EPHA6: variants seen among roughly 807,000 people sequenced by gnomAD.
The protein encoded by EPHA6 is EPH receptor A6.
EPHA6 carries 50 observed loss-of-function variants against 112.0 expected under a neutral mutation model. The ratio of observed to expected loss-of-function variants is 0.45; its 90% CI spans 0.36 to 0.56. EPHA6 has a LOEUF of 0.56. EPHA6 is among the 20% of genes least tolerant of loss of function. The pLI is 0.00. For synonymous variants in EPHA6, 529 were observed against 490.7 expected (o/e 1.08, Z -1.03); for missense variants, 1,280 against 1,417.4 (o/e 0.90, Z 1.56).
Position 96,814,686 on chromosome 3 carries a change from C to T in EPHA6, c.63C>T (p.Ser21=). 6.7e-7 allele frequency: 1 copy of T among 1,492,540 alleles called. No homozygotes were observed. The highest frequency in any genetic ancestry group is 8.9e-7 in the Non-Finnish European group (1 of 1,120,504). The allele number at this position is 1,492,540 out of a possible 1,614,324, so 92.5% of individuals were successfully genotyped here. The change falls in exon 1 of 18, where the codon TCC becomes TCT. Residue 21 remains serine, a synonymous_variant. Transcript: ENST00000389672. ...SSPAPQAASS[S]EAAAPATGQP... ...CGGCGCCGCAGGCAGCGTCCTCCTCCGAAGCAGCTGCACCTGCAACTGGGC... is the reference window on the plus strand; with the variant it reads ...CGGCGCCGCAGGCAGCGTCCTCCTCTGAAGCAGCTGCACCTGCAACTGGGC...
At chr3:97,223,204 A>G (rs1052840111) in intron 3 of EPHA6, among the ~76,000 whole-genome samples, 3 of 152,240 alleles carry the variant, frequency 2.0e-5, no homozygotes, top group African/African-American at 2.4e-5. Flanking sequence ...TTTAGAAAAC[A>G]AAACAAAGAA....
chr3:97,396,443 A>T (rs2086698376), intron 5 of EPHA6, among the ~76,000 whole-genome samples: 1 of 151,106 alleles, frequency 6.6e-6, no homozygotes, highest in African/African-American at 2.4e-5. Context: ...ATTTATCCAT[A>T]TTGTGAATTT....
chr3:97,688,024 T>A (rs768515361), intron 14 of EPHA6, among the ~76,000 whole-genome samples: 3 of 152,136 alleles, frequency 2.0e-5, no homozygotes, highest in Non-Finnish European at 4.4e-5. Context: ...AAGCTCAAAG[T>A]CAGTGAGGCG....
At chr3:97,607,782 G>T (rs577718151) in intron 12 of EPHA6, among the ~76,000 whole-genome samples, 38 of 151,114 alleles carry the variant, frequency 2.5e-4, no homozygotes, top group Admixed American at 2.1e-3. Context: ...GAAATAAGGT[G>T]TAACATTTTG....
chr3:96,898,400 G>A (rs1471473848), intron 2 of EPHA6, among the ~76,000 whole-genome samples: 2 of 152,138 alleles, frequency 1.3e-5, no homozygotes, highest in Non-Finnish European at 2.9e-5. Context: ...AAACAATGGA[G>A]GATAGTTTTA....
intron 5 of EPHA6, among the ~76,000 whole-genome samples, chr3:97,284,604 A>G (rs1576843528): frequency 6.6e-6 from 1 of 152,194 alleles, no homozygotes; most frequent in Non-Finnish European, 1.5e-5. Context: ...CTGATTTCAT[A>G]CACTAAGAGT....
intron 6 of EPHA6, among the ~76,000 whole-genome samples, chr3:97,436,565 C>T (rs1298267490): frequency 6.6e-6 from 1 of 152,082 alleles, no homozygotes; most frequent in Non-Finnish European, 1.5e-5. Flanking sequence ...CAAGAGGCAG[C>T]TCTTATATTA....
chr3:97,054,614 CTG>C (rs2045793840), intron 3 of EPHA6, among the ~76,000 whole-genome samples: 1 of 152,064 alleles, frequency 6.6e-6, no homozygotes, highest in Admixed American at 6.6e-5. Context: ...TCATTATACA[CTG>C]AAATGAGAAG....
At chr3:97,165,350 T>C (rs1413840883) in intron 3 of EPHA6, among the ~76,000 whole-genome samples, 1 of 152,176 alleles carries the variant, frequency 6.6e-6, no homozygotes, top group Non-Finnish European at 1.5e-5. Context: ...TCAGATTATA[T>C]ATATTTTTCA....
intron 5 of EPHA6, among the ~76,000 whole-genome samples, chr3:97,324,409 C>CTTTCTTTCTT (rs1435415533): frequency 1.0e-5 from 1 of 98,180 alleles, no homozygotes. Flanking sequence ...TCCTTCTTTT[C>CTTTCTTTCTT]TTTCTTTCTT....
intron 3 of EPHA6, among the ~76,000 whole-genome samples, chr3:97,108,228 A>T (rs1347502053): frequency 6.6e-6 from 1 of 152,146 alleles, no homozygotes; most frequent in Non-Finnish European, 1.5e-5. Context: ...AAAGCTCAGT[A>T]AGAAAAGGAA....
At chr3:97,383,708 G>A (rs755547918) in intron 5 of EPHA6, among the ~76,000 whole-genome samples, 19 of 152,052 alleles carry the variant, frequency 1.2e-4, no homozygotes, top group Non-Finnish European at 1.9e-4. Context: ...GGTCAATTAA[G>A]TTAAGGAAAT....
At chr3:97,121,842 A>C (rs2048049821) in intron 3 of EPHA6, among the ~76,000 whole-genome samples, 1 of 152,074 alleles carries the variant, frequency 6.6e-6, no homozygotes, top group Non-Finnish European at 1.5e-5. Flanking sequence ...ACAATGCTGG[A>C]CAGATATATT....
intron 11 of EPHA6, among the ~76,000 whole-genome samples, chr3:97,575,772 A>T (rs2093377890): frequency 6.6e-6 from 1 of 152,212 alleles, no homozygotes; most frequent in Non-Finnish European, 1.5e-5. Context: ...ATAAGGGGGA[A>T]ATATAAGCAC....
Position 97,723,926 on chromosome 3 carries a change from G to GTC in EPHA6, c.2934+3516_2934+3517insTC, listed in dbSNP as rs1427801286. Reference sequence around the variant, plus strand: ...AAATAGCTTAATCAAAAACTTCCCAGCTGCTCTTTCCAAATACTGGCTATT... The same window carrying GTC: ...AAATAGCTTAATCAAAAACTTCCCAGTCCTGCTCTTTCCAAATACTGGCTATT... On this transcript the variant is annotated intron_variant, in intron 15 of 17. Coordinates refer to ENST00000389672, the MANE Select transcript of EPHA6 (RefSeq NM_001080448.3). Among the ~76,000 whole-genome samples, 6 of 152,216 alleles carry GTC rather than the reference G, an allele frequency of 3.9e-5. No homozygotes were observed. The East Asian group carries it at 1.2e-3, about 29-fold the overall frequency.
intron 11 of EPHA6, among the ~76,000 whole-genome samples, chr3:97,589,564 A>T (rs528354194): frequency 2.6e-5 from 4 of 152,188 alleles, no homozygotes; most frequent in Non-Finnish European, 5.9e-5. Context: ...TTATTTCAAC[A>T]ACTTTAGTCT....
At chr3:97,405,516 C>T (rs544835186) in intron 6 of EPHA6, among the ~76,000 whole-genome samples, 1 of 152,052 alleles carries the variant, frequency 6.6e-6, no homozygotes, top group African/African-American at 2.4e-5. Context: ...CTGTCATGAC[C>T]TACTCTAGAG....
chr3:96,922,127 A>T (rs939600634), intron 2 of EPHA6, among the ~76,000 whole-genome samples: 68 of 152,180 alleles, frequency 4.5e-4, no homozygotes, highest in Admixed American at 1.1e-3. Context: ...TGTACCAAAA[A>T]TTTGTAATTA....
At chr3:97,245,029 A>G (rs2078947966) in intron 5 of EPHA6, among the ~76,000 whole-genome samples, 1 of 152,048 alleles carries the variant, frequency 6.6e-6, no homozygotes, top group Non-Finnish European at 1.5e-5. Flanking sequence ...GTGTTCATAA[A>G]TTATATGGGC....
Sources: allele counts gnomAD v4.1 joint callset (sites outside exome capture counted in the v4.1 genomes callset), GRCh38; gene constraint gnomAD v4.1.1; transcripts MANE v1.5; gene names NCBI Gene and HGNC (gene_info 2026-07-23, HGNC 2026-07-21).